The following HSP90AA1 variants were observed in gnomAD, a reference collection of about 807,000 sequenced individuals.
The protein encoded by HSP90AA1 is heat shock protein 90 alpha family class A member 1, also known as heat shock protein HSP 90-alpha.
HSP90AA1 carries 18 observed loss-of-function variants against 73.3 expected under a neutral mutation model. The observed-to-expected ratio is 0.25, with a 90% CI of 0.17 to 0.36. The LOEUF is 0.36. Ranked by LOEUF, HSP90AA1 falls within the 10% of genes least tolerant of loss-of-function variation. The probability of loss-of-function intolerance (pLI) is 1.00; values close to 1 mark genes in which losing one functional copy is unlikely to be tolerated. For missense variants in HSP90AA1, 704 were observed against 874.2 expected, an observed-to-expected ratio of 0.81 and a Z score of 2.45; for synonymous variants, 477 against 296.9, an observed-to-expected ratio of 1.61 and a Z score of -6.24.
chr14:102,094,199 A>C (rs1273673164), intron 2 of HSP90AA1, among the ~76,000 whole-genome samples: 1 of 152,220 alleles, frequency 6.6e-6, no homozygotes, highest in Non-Finnish European at 1.5e-5. Flanking sequence ...GCCGCCGGGA[A>C]GCCGGCAAAC....
upstream of HSP90AA1, among the ~76,000 whole-genome samples, chr14:102,091,723 C>T (rs1043156533): frequency 5.9e-5 from 9 of 151,862 alleles, no homozygotes; most frequent in Non-Finnish European, 1.0e-4. Flanking sequence ...GCCTCCTGGG[C>T]GCAAGTGATC....
chr14:102,097,861 T>C (rs1019472994), intron 2 of HSP90AA1, among the ~76,000 whole-genome samples: 7 of 152,138 alleles, frequency 4.6e-5, no homozygotes, highest in African/African-American at 1.7e-4. Flanking sequence ...CCTTATAGAC[T>C]CTTGGGCTGG....
chr14:102,122,812 T>C (rs931332075), intron 1 of HSP90AA1, among the ~76,000 whole-genome samples: 58 of 150,760 alleles, frequency 3.8e-4, no homozygotes, highest in Non-Finnish European at 6.8e-4. Flanking sequence ...GGATTACAGG[T>C]GCCTGCCACC....
Position 102,082,422 on chromosome 14 carries a change from A to T in HSP90AA1, c.1778T>A (p.Val593Glu). The change falls in exon 10 of 11, where the codon GTG becomes GAG. Residue 593 changes from valine to glutamate, a missense_variant. By Grantham distance (121) the Val-to-Glu change is moderately radical (BLOSUM62 -2). Coordinates refer to ENST00000216281, the MANE Select transcript of HSP90AA1 (RefSeq NM_005348.4). ...TGTGACAATACAGCATGGAGATGTC[A>T]CCAATCGGTTTGACACAACCACCTG... The part of the protein sequence containing the change: ...VEKVVVSNRL[V>E]TSPCCIVTST... The T allele has an allele frequency of 6.2e-7, 1 of 1,612,910 alleles. No homozygotes were observed. The highest frequency in any genetic ancestry group is 8.5e-7 in the Non-Finnish European group (1 of 1,179,936).
chr14:102,091,887 A>G (rs985791940), upstream of HSP90AA1, among the ~76,000 whole-genome samples: 2 of 152,064 alleles, frequency 1.3e-5, no homozygotes, highest in African/African-American at 4.8e-5. Context: ...GTGGCCTCCC[A>G]AAGTGCTGGG....
At chr14:102,082,945 G>A in intron 9 of HSP90AA1, 89 bp downstream of exon 9, 1 of 1,359,976 alleles carries the variant, frequency 7.4e-7, no homozygotes, top group Non-Finnish European at 1.1e-6. Context: ...TCTGTTTTAA[G>A]TTGAAAACAT....
chr14:102,111,509 G>A (rs11848858), intron 1 of HSP90AA1, among the ~76,000 whole-genome samples: 2,632 of 152,290 alleles, frequency 0.017, 83 homozygotes, highest in African/African-American at 0.061. Context: ...TACAATGGGG[G>A]TACAGGCATT....
intron 1 of HSP90AA1, among the ~76,000 whole-genome samples, chr14:102,137,771 C>CT (rs2050029710): frequency 1.3e-5 from 2 of 151,428 alleles, no homozygotes; most frequent in Admixed American, 6.6e-5. Flanking sequence ...AATACCAGCA[C>CT]TTTGGGAGGC....
At chr14:102,081,870 C>G in intron 10 of HSP90AA1, 49 bp from the exon 11 acceptor site, 1 of 921,200 alleles carries the variant, frequency 1.1e-6, no homozygotes, top group South Asian at 1.3e-5. Context: ...TTAAAGCCAG[C>G]TATTAGGGTA....
In HSP90AA1 at chr14:102,084,510, G is replaced by T; in HGVS notation, c.1036C>A (p.Arg346Ser). ...TTTTCAAACAGATCAAAAGGAGCACGTCGTGGGACAAATAGAAGGGCTCTG... is the reference window on the plus strand; with the variant it reads ...TTTTCAAACAGATCAAAAGGAGCACTTCGTGGGACAAATAGAAGGGCTCTG... ...EFRALLFVPR[R>S]APFDLFENRK... is the part of the protein sequence containing the mutation. The change falls in exon 6 of 11, where the codon CGT becomes AGT. Residue 346 changes from arginine to serine, a missense_variant. Physicochemically the swap from Arg to Ser is moderately radical, Grantham distance 110. Coordinates refer to ENST00000216281, the MANE Select transcript of HSP90AA1 (RefSeq NM_005348.4). 6.2e-7 allele frequency: 1 copy of T among 1,614,134 alleles called. No homozygotes were observed. The highest frequency in any genetic ancestry group is 8.5e-7 in the Non-Finnish European group (1 of 1,179,970).
chr14:102,088,604 C>T (rs1331654417), upstream of HSP90AA1, among the ~76,000 whole-genome samples: 3 of 152,228 alleles, frequency 2.0e-5, no homozygotes, highest in Non-Finnish European at 4.4e-5. Flanking sequence ...GTGCCTGGTC[C>T]TGTGGTAGCT....
intron 1 of HSP90AA1, chr14:102,102,099 C>T: frequency 6.2e-7 from 1 of 1,609,066 alleles, no homozygotes; most frequent in Non-Finnish European, 8.5e-7. Flanking sequence ...GGAACATAAA[C>T]ACAATCTTCT....
chr14:102,095,126 A>G (rs2049408035), intron 2 of HSP90AA1, among the ~76,000 whole-genome samples: 1 of 152,196 alleles, frequency 6.6e-6, no homozygotes, highest in Admixed American at 6.5e-5. Context: ...TCCAATGAAC[A>G]GGATGCTGGG....
Position 102,085,431 on chromosome 14 carries a change from C to T in HSP90AA1, c.530G>A (p.Gly177Asp). The change falls in exon 4 of 11, where the codon GGT (glycine) becomes GAT (aspartate). Residue 177 changes from glycine to aspartate, a missense_variant and splice_region_variant. Transcript: ENST00000216281. ...GGSFTVRTDT[G>D]EPMGRGTKVI... ...TTTTGTTCCACGACCCATAGGTTCA[C>T]CTGCAAGAGAAGAAAGAAAAATTGA... is the stretch of plus-strand genomic sequence containing the variant. 4 of 1,599,772 alleles carry T rather than the reference C, an allele frequency of 2.5e-6. No homozygotes were observed. The highest frequency in any genetic ancestry group is 3.4e-6 in the Non-Finnish European group (4 of 1,175,654).
At position 102,081,386 on chromosome 14, in the gene HSP90AA1, G is replaced by C. The variant is rs1488846223; in HGVS notation, c.*326C>G. ...ACAGCTCAGAACACTTCAATAACAA[G>C]ATTTGGTCTACTTAGGCATCCGGCT... On this transcript the variant is annotated 3_prime_UTR_variant, in exon 11 of 11. Coordinates refer to ENST00000216281, the MANE Select transcript of HSP90AA1 (RefSeq NM_005348.4). 1 of 449,352 alleles carries C rather than the reference G, an allele frequency of 2.2e-6. No homozygotes were observed. The highest frequency in any genetic ancestry group is 2.5e-5 in the South Asian group (1 of 40,434). 27.8% of individuals were successfully genotyped at this position (449,352 alleles called of 1,614,324 possible).
At chr14:102,113,131 C>T (rs541686672) in intron 1 of HSP90AA1, among the ~76,000 whole-genome samples, 1 of 151,994 alleles carries the variant, frequency 6.6e-6, no homozygotes, top group African/African-American at 2.4e-5. Flanking sequence ...TCAAGCGATT[C>T]TCCTGCCTCA....
chr14:102,128,417 C>G (rs2049863407), intron 1 of HSP90AA1, among the ~76,000 whole-genome samples: 1 of 152,092 alleles, frequency 6.6e-6, no homozygotes, highest in African/African-American at 2.4e-5. Context: ...CACCTGAGGT[C>G]AGGGGTTCGA....
Position 102,108,132 on chromosome 14 carries a change from A to C in HSP90AA1, c.156-6047T>G, listed in dbSNP as rs1028756098. 2.6e-5 allele frequency among the ~76,000 whole-genome samples: 4 copies of C among 151,600 alleles called. No homozygotes were observed. In the East Asian group the frequency reaches 7.7e-4, roughly 29 times the overall value. ...TAGAAAATTAGCTAAGTGTGGTGGC[A>C]TGTACCTGTGGACCCAGCTACTTGG... On this transcript the variant is annotated intron_variant, in intron 1 of 11. Coordinates refer to the HSP90AA1 transcript ENST00000334701.
Position 102,123,631 on chromosome 14 carries a change from CT to C in HSP90AA1, c.155+15618del, listed in dbSNP as rs562201275. Among the ~76,000 whole-genome samples the C allele has an allele frequency of 1.1e-3, 171 of 151,704 alleles. 2 individuals carry two copies. The highest frequency in any genetic ancestry group is 4.0e-3 in the African/African-American group (165 of 41,356). ...CCTCAAGGGATCCTCCCGCCTTGGT[CT>C]CCTACAGTACTAGGATTACAGGCAT... On this transcript the variant is annotated intron_variant, in intron 1 of 11. Transcript: ENST00000334701.
Sources: allele counts gnomAD v4.1 joint callset (sites outside exome capture counted in the v4.1 genomes callset), GRCh38; gene constraint gnomAD v4.1.1; transcripts MANE v1.5; gene names NCBI Gene and HGNC (gene_info 2026-07-23, HGNC 2026-07-21).